The following ATP1B3 variants were observed in gnomAD, a reference collection of about 807,000 sequenced individuals.
The protein encoded by ATP1B3 is ATPase Na+/K+ transporting subunit beta 3, also known as sodium/potassium-transporting ATPase subunit beta-3.
ATP1B3 carries 10 observed loss-of-function variants against 30.2 expected under a neutral mutation model. That is an observed-to-expected ratio of 0.33 (90% confidence interval 0.20 to 0.56). ATP1B3 has a LOEUF of 0.56. Among genes scored for constraint, ATP1B3 ranks in the 20% least tolerant of loss-of-function variants. The pLI is 0.90. For synonymous variants in ATP1B3, 113 were observed against 117.0 expected, an observed-to-expected ratio of 0.97 and a Z score of 0.22; for missense variants, 238 against 336.7, an observed-to-expected ratio of 0.71 and a Z score of 2.29.
At chr3:141,884,368 A>G (rs1278554656) in intron 1 of ATP1B3, among the ~76,000 whole-genome samples, 3 of 151,994 alleles carry the variant, frequency 2.0e-5, no homozygotes, top group Non-Finnish European at 2.9e-5. Context: ...CCTTTTACAT[A>G]CTCATACTCC....
intron 1 of ATP1B3, among the ~76,000 whole-genome samples, chr3:141,889,756 TACACACACACACACACAC>T (rs34670135): frequency 1.2e-4 from 10 of 84,032 alleles, no homozygotes; most frequent in South Asian, 4.1e-4. Context: ...AAAAAATATA[TACACACACACACACACAC>T]ACACACACAC....
intron 1 of ATP1B3, among the ~76,000 whole-genome samples, chr3:141,881,402 C>A (rs114121395): frequency 9.4e-4 from 143 of 152,216 alleles, no homozygotes; most frequent in African/African-American, 3.3e-3. Flanking sequence ...ACTGTTAGCA[C>A]CTATATTTTG....
intron 5 of ATP1B3, 69 bp from the exon 6 acceptor site, chr3:141,921,908 A>G (rs1934569410): frequency 3.7e-6 from 3 of 806,988 alleles, no homozygotes; most frequent in African/African-American, 1.8e-5. Flanking sequence ...ATATTCCTTT[A>G]ATTATAAACA....
intron 4 of ATP1B3, among the ~76,000 whole-genome samples, chr3:141,915,737 AATTT>A (rs1365571086): frequency 2.0e-5 from 3 of 152,144 alleles, no homozygotes; most frequent in Admixed American, 6.5e-5. Context: ...ATTCTTTGGT[AATTT>A]ATTTATTTTC....
intron 1 of ATP1B3, among the ~76,000 whole-genome samples, chr3:141,893,625 G>A (rs78768227): frequency 0.049 from 7,457 of 152,104 alleles, 610 homozygotes; most frequent in African/African-American, 0.17. Context: ...GTCTTTAACA[G>A]CTTTATTGAG....
intron 1 of ATP1B3, among the ~76,000 whole-genome samples, chr3:141,878,546 G>C (rs1933651852): frequency 1.3e-5 from 2 of 152,192 alleles, no homozygotes; most frequent in African/African-American, 4.8e-5. Context: ...CTTTGTGTTA[G>C]AATGACATTT....
intron 3 of ATP1B3, among the ~76,000 whole-genome samples, chr3:141,908,089 T>TTTTTTA: frequency 7.7e-6 from 1 of 130,568 alleles, no homozygotes; most frequent in South Asian, 2.3e-4. Context: ...TTTTTTTTTT[T>TTTTTTA]ATTATACTTT....
intron 1 of ATP1B3, among the ~76,000 whole-genome samples, chr3:141,879,649 C>T (rs1356679298): frequency 1.3e-5 from 2 of 151,346 alleles, no homozygotes; most frequent in African/African-American, 2.4e-5. Context: ...TGTGGTGGCA[C>T]CTGCCTGTAA....
At chr3:141,921,011 G>A (rs1401955337) in intron 5 of ATP1B3, among the ~76,000 whole-genome samples, 50 of 152,012 alleles carry the variant, frequency 3.3e-4, no homozygotes, top group Admixed American at 3.3e-3. Context: ...TCCTTAGAGT[G>A]GATTCTTAGT....
chr3:141,908,123 A>G lies in ATP1B3; in HGVS notation c.346+849A>G, dbSNP rs539566429. On this transcript the variant is annotated intron_variant, in intron 3 of 6. Coordinates refer to ENST00000286371, the MANE Select transcript of ATP1B3 (RefSeq NM_001679.4). The stretch of plus-strand genomic sequence containing the variant: ...TTAAGTTCTAGGGTACGTGTGCACA[A>G]CGTGCAGGTTTCCAATGTAGTGCTT... Among the ~76,000 whole-genome samples the G allele has an allele frequency of 3.1e-4, 46 of 147,968 alleles. No individual in the cohort carries two copies. In the Admixed American group the frequency reaches 3.1e-3, roughly 10 times the overall value.
chr3:141,889,058 T>C (rs1383270283), intron 1 of ATP1B3, among the ~76,000 whole-genome samples: 1 of 146,136 alleles, frequency 6.8e-6, no homozygotes, highest in Admixed American at 6.8e-5. Flanking sequence ...TTCTTATTCT[T>C]ACATGGTGGC....
At chr3:141,912,228 A>G (rs1299538008) in intron 3 of ATP1B3, among the ~76,000 whole-genome samples, 3 of 152,078 alleles carry the variant, frequency 2.0e-5, no homozygotes, top group African/African-American at 7.2e-5. Context: ...TAAAGACTTT[A>G]CACTTCCTTT....
At chr3:141,909,686 G>A (rs1389368083) in intron 3 of ATP1B3, among the ~76,000 whole-genome samples, 1 of 152,236 alleles carries the variant, frequency 6.6e-6, no homozygotes, top group Non-Finnish European at 1.5e-5. Flanking sequence ...GGAGACTGAG[G>A]TTAGGGAGTT....
intron 1 of ATP1B3, among the ~76,000 whole-genome samples, chr3:141,882,622 T>C (rs1202089808): frequency 6.6e-6 from 1 of 152,224 alleles, no homozygotes; most frequent in Non-Finnish European, 1.5e-5. Flanking sequence ...TCGCTCTTGT[T>C]GCCCAGGCTG....
intron 1 of ATP1B3, among the ~76,000 whole-genome samples, chr3:141,889,914 A>C: frequency 6.6e-6 from 1 of 150,692 alleles, no homozygotes; most frequent in Non-Finnish European, 1.5e-5. Flanking sequence ...TTTTCTCCTC[A>C]AGCACTGGAT....
intron 2 of ATP1B3, among the ~76,000 whole-genome samples, chr3:141,904,094 G>A (rs1026981331): frequency 6.6e-6 from 1 of 152,122 alleles, no homozygotes; most frequent in Non-Finnish European, 1.5e-5. Flanking sequence ...AGTGGTTACG[G>A]CTTTTAACAA....
At chr3:141,904,202 T>G (rs945016039) in intron 2 of ATP1B3, among the ~76,000 whole-genome samples, 1 of 152,198 alleles carries the variant, frequency 6.6e-6, no homozygotes, top group Non-Finnish European at 1.5e-5. Flanking sequence ...TTTTAATTTT[T>G]GTTGTTGTTG....
chr3:141,877,831 C>CTTTTT, intron 1 of ATP1B3, among the ~76,000 whole-genome samples: 1 of 140,266 alleles, frequency 7.1e-6, no homozygotes, highest in African/African-American at 2.6e-5. Flanking sequence ...CAGGCTAGAG[C>CTTTTT]TTTTTTTTTT....
intron 1 of ATP1B3, among the ~76,000 whole-genome samples, chr3:141,890,182 C>G (rs550531588): frequency 7.0e-6 from 1 of 142,960 alleles, no homozygotes; most frequent in East Asian, 2.1e-4. Flanking sequence ...CTCCTAGGCT[C>G]AAGCGATCCT....
Sources: gnomAD v4.1 joint callset for allele counts (sites outside exome capture counted in the v4.1 genomes callset) on GRCh38, gnomAD v4.1.1 for gene constraint, MANE v1.5 for transcripts, NCBI Gene and HGNC (gene_info 2026-07-23, HGNC 2026-07-21) for gene names.